The following CA9 variants were observed in gnomAD, a reference collection of about 807,000 sequenced individuals.
CA9 encodes the protein CA-IX.
CA9 carries 43 observed loss-of-function variants against 51.8 expected under a neutral mutation model. The ratio of observed to expected loss-of-function variants is 0.83; its 90% confidence interval spans 0.65 to 1.07. CA9 has a LOEUF of 1.07. Among genes scored for constraint, CA9 ranks in the 50% least tolerant of loss-of-function variants. The pLI, the probability that CA9 is intolerant of heterozygous loss-of-function variation, is 0.00. For missense variants in CA9, 574 were observed against 581.4 expected, an observed-to-expected ratio of 0.99 and a Z score of 0.13; for synonymous variants, 253 against 244.2, an observed-to-expected ratio of 1.04 and a Z score of -0.34.
At position 35,680,936 on chromosome 9, in the gene CA9, G is replaced by A. The variant is rs116789830; in HGVS notation, c.1320-29G>A. 4,963 of 1,613,640 alleles carry A rather than the reference G, an allele frequency of 3.1e-3. 155 individuals are homozygous for A. In the African/African-American group the frequency reaches 0.058, roughly 19 times the overall value. ...TGAGCTGCTCCTGGGCCAGTTTTCT[G>A]ATTAGCCTTTCCTGTTGTGTACACA... is the stretch of plus-strand genomic sequence containing the variant. On this transcript the variant is annotated intron_variant, in intron 10 of 10. Transcript: ENST00000378357.
intron 1 of CA9, chr9:35,675,203 AG>A: frequency 3.2e-6 from 1 of 312,154 alleles, no homozygotes; most frequent in Non-Finnish European, 6.0e-6. Context: ...CATGTTGGTC[AG>A]GCTGGTCTCG....
rs746407349 is a variant in CA9, at chr9:35,676,166, G to A, written c.707G>A (p.Gly236Asp). The A allele has an allele frequency of 3.1e-6, 5 of 1,612,398 alleles. No homozygotes were observed. The highest frequency in any genetic ancestry group is 4.2e-6 in the Non-Finnish European group (5 of 1,179,270). The change falls in exon 4 of 11, where the codon GGC becomes GAC. Residue 236 changes from glycine to aspartate, a missense_variant. Transcript: ENST00000378357. ...HLHWGAAGRP[G>D]SEHTVEGHRF... is the part of the protein sequence containing the mutation. ...CACTGGGGGGCTGCAGGTCGTCCGG[G>A]CTCGGAGCACACTGTGGAAGGCCAC...
At position 35,674,223 on chromosome 9, in the gene CA9, T is replaced by A. The variant is rs1225041217; in HGVS notation, c.264T>A (p.Asp88Glu). Residue 88 changes from aspartate to glutamate, a missense_variant, in exon 1 of 11, where the codon GAT becomes GAA. Physicochemically the swap from Asp to Glu is conservative, Grantham distance 45. Coordinates refer to ENST00000378357, the MANE Select transcript of CA9 (RefSeq NM_001216.3). ...AGGAGGATCTACCTGGAGAGGAGGA[T>A]CTACCTGGAGAGGAGGATCTACCTG... ...PGEEDLPGEE[D>E]LPGEEDLPEV... 1 of 1,612,716 alleles carries A rather than the reference T, an allele frequency of 6.2e-7. No homozygotes were observed.
intron 1 of CA9, 26 bp from the exon 2 acceptor site, chr9:35,675,512 G>GCAA: frequency 6.2e-7 from 1 of 1,613,962 alleles, no homozygotes; most frequent in Non-Finnish European, 8.5e-7. Context: ...CTAAGCTTGA[G>GCAA]CGGTTCATCC....
Position 35,681,061 on chromosome 9 carries a change from A to G in CA9, c.*36A>G. 1 of 1,590,134 alleles carries G rather than the reference A, an allele frequency of 6.3e-7. No individual in the cohort carries two copies. The highest frequency in any genetic ancestry group is 1.7e-5 in the Admixed American group (1 of 58,978). On this transcript the variant is annotated 3_prime_UTR_variant, in exon 11 of 11. Coordinates refer to ENST00000378357, the MANE Select transcript of CA9 (RefSeq NM_001216.3). ...TTGGAGAATGTGAGAAGCCAGCCAG[A>G]GGCATCTGAGGGGGAGCCGGTAACT...
Position 35,677,787 on chromosome 9 carries a change from C to T in CA9, c.841-3C>T. The T allele has an allele frequency of 6.2e-7, 1 of 1,613,688 alleles. No individual in the cohort carries two copies. ...TCATCTGTCTTACAATGTCATCCCC[C>T]AGGAGGGCCCGGAAGAAAACAGTGC... On this transcript the variant is annotated splice_polypyrimidine_tract_variant and splice_region_variant and intron_variant, in intron 5 of 10. Transcript: ENST00000378357.
chr9:35,676,570 G>A (rs1187859248), intron 5 of CA9, among the ~76,000 whole-genome samples, 181 bp downstream of exon 5: 1 of 152,198 alleles, frequency 6.6e-6, no homozygotes, highest in Non-Finnish European at 1.5e-5. Context: ...CCCCAACAAG[G>A]ATTCTGAAGC....
Position 35,679,971 on chromosome 9 carries a change from G to T in CA9, c.1183G>T (p.Asp395Tyr), listed in dbSNP as rs756622774. 32 of 1,614,094 alleles carry T rather than the reference G, an allele frequency of 2.0e-5. No individual in the cohort carries two copies. The highest frequency in any genetic ancestry group is 1.3e-4 in the Admixed American group (8 of 60,010). The change falls in exon 8 of 11, where the codon GAC becomes TAC. Residue 395 changes from aspartate to tyrosine, a missense_variant. Transcript: ENST00000378357. ...VIEASFPAGV[D>Y]SSPRAAEPVQ... ...TGAGGCCTCCTTCCCTGCTGGAGTGGACAGCAGTCCTCGGGCTGCTGAGCC... is the reference window on the plus strand; with the variant it reads ...TGAGGCCTCCTTCCCTGCTGGAGTGTACAGCAGTCCTCGGGCTGCTGAGCC...
Position 35,676,084 on chromosome 9 carries a change from G to A in CA9, c.625G>A (p.Gly209Arg), listed in dbSNP as rs1415453027. 3.1e-6 allele frequency: 5 copies of A among 1,613,152 alleles called. No individual in the cohort carries two copies. The highest frequency in any genetic ancestry group is 2.2e-5 in the East Asian group (1 of 44,784). The change falls in exon 4 of 11, where the codon GGG becomes AGG. Residue 209 changes from glycine (G) to arginine (R), a missense_variant. Physicochemically the swap from Gly to Arg is moderately radical, Grantham distance 125 (BLOSUM62 -2). Transcript: ENST00000378357. ...GHSVQLTLPP[G>R]LEMALGPGRE... ...CGCAGTGCAACTGACCCTGCCTCCT[G>A]GGCTAGAGATGGCTCTGGGTCCCGG...
chr9:35,675,963 T>A, intron 3 of CA9, 32 bp downstream of exon 3: 1 of 1,600,022 alleles, frequency 6.2e-7, no homozygotes, highest in Non-Finnish European at 8.5e-7. Context: ...GACTTGGGGA[T>A]GGGGCGGGGC....
At position 35,676,145 on chromosome 9, in the gene CA9, G is replaced by T. The variant is rs373947302; in HGVS notation, c.686G>T (p.Trp229Leu). Residue 229 changes from tryptophan (W) to leucine (L), a missense_variant, in exon 4 of 11, where the codon TGG becomes TTG. Trp to Leu is a moderately conservative substitution (Grantham distance 61, BLOSUM62 -2). Coordinates refer to ENST00000378357, the MANE Select transcript of CA9 (RefSeq NM_001216.3). ...EYRALQLHLHWGAAGRPGSEH... is the reference protein window; with the variant it reads ...EYRALQLHLHLGAAGRPGSEH... Reference sequence around the variant, plus strand: ...CGGGCTCTGCAGCTGCATCTGCACTGGGGGGCTGCAGGTCGTCCGGGCTCG... The same window carrying T: ...CGGGCTCTGCAGCTGCATCTGCACTTGGGGGCTGCAGGTCGTCCGGGCTCG... The T allele has an allele frequency of 5.3e-5, 85 of 1,613,038 alleles. No individual in the cohort carries two copies. Among genetic ancestry groups the T allele is most frequent in the Non-Finnish European group, 7.1e-5 (84 of 1,179,610 alleles).
At chr9:35,675,721 C>T (rs767716679) in intron 2 of CA9, 40 bp from the exon 3 acceptor site, 1 of 1,538,074 alleles carries the variant, frequency 6.5e-7, no homozygotes, top group East Asian at 2.4e-5. Flanking sequence ...AAGTTCCTGA[C>T]CTAGGCGTCA....
At position 35,680,991 on chromosome 9, in the gene CA9, A is replaced by G. The variant is rs1244939668; in HGVS notation, c.1346A>G (p.Tyr449Cys). 6.2e-7 allele frequency: 1 copy of G among 1,613,918 alleles called. No individual in the cohort carries two copies. Among genetic ancestry groups the G allele is most frequent in the African/African-American group, 1.3e-5 (1 of 74,914 alleles). Reference protein sequence around the residue: ...HRRGTKGGVSYRPAEVAETGA With the variant: ...HRRGTKGGVSCRPAEVAETGA ...AGGGGAACCAAAGGGGGTGTGAGCT[A>G]CCGCCCAGCAGAGGTAGCCGAGACT... The change falls in exon 11 of 11, where the codon TAC (tyrosine) becomes TGC (cysteine). Residue 449 changes from tyrosine (Y) to cysteine (C), a missense_variant. Coordinates refer to ENST00000378357, the MANE Select transcript of CA9 (RefSeq NM_001216.3).
In CA9 at chr9:35,674,220, G is replaced by A. The variant is rs764007278; in HGVS notation, c.261G>A (p.Glu87=). ...PPGEEDLPGE[E]DLPGEEDLPE... Reference sequence around the variant, plus strand: ...GAGAGGAGGATCTACCTGGAGAGGAGGATCTACCTGGAGAGGAGGATCTAC... The same window carrying A: ...GAGAGGAGGATCTACCTGGAGAGGAAGATCTACCTGGAGAGGAGGATCTAC... Residue 87 remains glutamate (E), a synonymous_variant, in exon 1 of 11, where the codon GAG becomes GAA. Transcript: ENST00000378357. 2.2e-5 allele frequency: 35 copies of A among 1,612,758 alleles called. No homozygotes were observed. Among genetic ancestry groups the A allele is most frequent in the Non-Finnish European group, 3.0e-5 (35 of 1,179,858 alleles).
rs748375698 is a variant in CA9, at chr9:35,680,997, C to G, written c.1352C>G (p.Pro451Arg). 3 of 1,613,864 alleles carry G rather than the reference C, an allele frequency of 1.9e-6. No individual in the cohort carries two copies. The highest frequency in any genetic ancestry group is 2.5e-6 in the Non-Finnish European group (3 of 1,180,006). Residue 451 changes from proline (P) to arginine (R), a missense_variant, in exon 11 of 11, where the codon CCA becomes CGA. By Grantham distance (103) the Pro-to-Arg change is moderately radical. Transcript: ENST00000378357. Reference sequence around the variant, plus strand: ...ACCAAAGGGGGTGTGAGCTACCGCCCAGCAGAGGTAGCCGAGACTGGAGCC... The same window carrying G: ...ACCAAAGGGGGTGTGAGCTACCGCCGAGCAGAGGTAGCCGAGACTGGAGCC... ...RGTKGGVSYR[P>R]AEVAETGA is the part of the protein sequence containing the mutation.
chr9:35,676,005 C>T, intron 3 of CA9, 59 bp from the exon 4 acceptor site: 1 of 1,604,904 alleles, frequency 6.2e-7, no homozygotes, highest in Non-Finnish European at 8.5e-7. Context: ...GCAGTGCCTG[C>T]CCGGGGGTTG....
chr9:35,675,945 C>A lies in CA9; in HGVS notation c.604+14C>A. On this transcript the variant is annotated intron_variant, in intron 3 of 10. Coordinates refer to ENST00000378357, the MANE Select transcript of CA9 (RefSeq NM_001216.3). ...ATGGCCACAGTGGTGAGGGGGTCTC[C>A]CCGCCGAGACTTGGGGATGGGGCGG... The A allele has an allele frequency of 6.3e-7, 1 of 1,599,348 alleles. No homozygotes were observed. Among genetic ancestry groups the A allele is most frequent in the Non-Finnish European group, 8.5e-7 (1 of 1,172,256 alleles).
At position 35,681,110 on chromosome 9, in the gene CA9, CT is replaced by C; in HGVS notation, c.*87del. 9.7e-7 allele frequency: 1 copy of C among 1,035,532 alleles called. No individual in the cohort carries two copies. Among genetic ancestry groups the C allele is most frequent in the Non-Finnish European group, 1.4e-6 (1 of 728,726 alleles). The allele number at this position is 1,035,532 out of a possible 1,614,324, so 64.1% of individuals were successfully genotyped here. ...CTGTCCTGTCCTGCTCATTATGCCA[CT>C]TCCTTTTAACTGCCAAGAAATTTTT... On this transcript the variant is annotated 3_prime_UTR_variant, in exon 11 of 11. Transcript: ENST00000378357.
rs769415658 is a variant in CA9 at position 35,680,126 on chromosome 9, C to G, written c.1224C>G (p.Ser408=). The change falls in exon 9 of 11, where the codon TCC becomes TCG. Residue 408 remains serine, a synonymous_variant. Transcript: ENST00000378357. ...PRAAEPVQLN[S]CLAAGDILAL... is the part of the protein sequence containing the mutation. ...TTTTCTCTCCAGTCCAGCTGAATTC[C>G]TGCCTGGCTGCTGGTGAGTCTGCCC... is the stretch of plus-strand genomic sequence containing the variant. The G allele has an allele frequency of 1.2e-6, 2 of 1,614,226 alleles. No homozygotes were observed. Among genetic ancestry groups the G allele is most frequent in the Admixed American group, 1.7e-5 (1 of 60,024 alleles).
Sources: gnomAD v4.1 joint callset for allele counts (sites outside exome capture counted in the v4.1 genomes callset) on GRCh38, gnomAD v4.1.1 for gene constraint, MANE v1.5 for transcripts, NCBI Gene and HGNC (gene_info 2026-07-23, HGNC 2026-07-21) for gene names.